The following ATP10B variants were observed in gnomAD, a reference collection of about 807,000 sequenced individuals.
ATP10B encodes ATPase phospholipid transporting 10B (putative).
ATP10B carries 122 observed loss-of-function variants against 141.2 expected under a neutral mutation model. The ratio of observed to expected loss-of-function variants is 0.86; its 90% CI spans 0.75 to 1.00. ATP10B has a LOEUF of 1.00. ATP10B is among the 50% of genes least tolerant of loss of function. The pLI is 0.00. For missense variants in ATP10B, 1,876 were observed against 1,825.3 expected, an observed-to-expected ratio of 1.03 and a Z score of -0.51; for synonymous variants, 685 against 692.0, an observed-to-expected ratio of 0.99 and a Z score of 0.16.
the ATP10B span, among the ~76,000 whole-genome samples, chr5:160,890,658 C>T: frequency 6.6e-6 from 1 of 152,114 alleles, no homozygotes; most frequent in Non-Finnish European, 1.5e-5. Flanking sequence ...TACTGATATG[C>T]CATATTATGT....
chr5:160,888,862 A>G, the ATP10B span, among the ~76,000 whole-genome samples: 1 of 152,204 alleles, frequency 6.6e-6, no homozygotes, highest in Non-Finnish European at 1.5e-5. Context: ...TTTTTGAGAT[A>G]TAGATGTTAC....
intron 1 of ATP10B, among the ~76,000 whole-genome samples, chr5:160,813,387 T>TA (rs1247934599): frequency 6.6e-6 from 1 of 152,196 alleles, no homozygotes; most frequent in African/African-American, 2.4e-5. Context: ...CGCTCATTGC[T>TA]AGCACAGCAG....
chr5:160,876,639 C>A, the ATP10B span, among the ~76,000 whole-genome samples: 3 of 151,550 alleles, frequency 2.0e-5, no homozygotes, highest in Non-Finnish European at 4.4e-5. Context: ...AGACTGCTAG[C>A]AAGACTAATA....
chr5:160,668,997 A>C (rs1762496800), intron 7 of ATP10B, among the ~76,000 whole-genome samples: 1 of 152,264 alleles, frequency 6.6e-6, no homozygotes, highest in East Asian at 1.9e-4. Flanking sequence ...ACTGCACTCT[A>C]GCTCATGAGA....
chr5:160,565,414 G>A lies in ATP10B; in HGVS notation c.*39C>T. 1 of 1,591,680 alleles carries A rather than the reference G, an allele frequency of 6.3e-7. No individual in the cohort carries two copies. The highest frequency in any genetic ancestry group is 8.6e-7 in the Non-Finnish European group (1 of 1,163,024). On this transcript the variant is annotated 3_prime_UTR_variant, in exon 26 of 26. Coordinates refer to ENST00000327245, the MANE Select transcript of ATP10B (RefSeq NM_025153.3). Reference sequence around the variant, plus strand: ...CAAGGGTTATGTGGACCAGTGACTAGGTGGCCTCTGTTGAGTTTGTACAGA... The same window carrying A: ...CAAGGGTTATGTGGACCAGTGACTAAGTGGCCTCTGTTGAGTTTGTACAGA...
chr5:160,722,016 A>T (rs1766031950), intron 2 of ATP10B, among the ~76,000 whole-genome samples: 1 of 152,190 alleles, frequency 6.6e-6, no homozygotes, highest in Non-Finnish European at 1.5e-5. Flanking sequence ...ATAATAATAT[A>T]TACCTCTTGG....
At chr5:160,765,170 G>T (rs1769312116) in intron 2 of ATP10B, among the ~76,000 whole-genome samples, 1 of 151,930 alleles carries the variant, frequency 6.6e-6, no homozygotes, top group African/African-American at 2.4e-5. Flanking sequence ...CAGATTCAAT[G>T]CAATTCCCAT....
At chr5:160,723,753 T>C (rs1158314588) in intron 2 of ATP10B, among the ~76,000 whole-genome samples, 8 of 152,208 alleles carry the variant, frequency 5.3e-5, no homozygotes, top group Admixed American at 1.3e-4. Flanking sequence ...AATACTACCC[T>C]GATCCAGGTC....
At chr5:160,860,369 A>G in the ATP10B span, among the ~76,000 whole-genome samples, 3 of 152,100 alleles carry the variant, frequency 2.0e-5, no homozygotes, top group African/African-American at 7.2e-5. Flanking sequence ...CTGTTATGAT[A>G]ATTACAGGAC....
intron 24 of ATP10B, among the ~76,000 whole-genome samples, chr5:160,580,280 G>A (rs1027438771): frequency 3.3e-5 from 5 of 152,150 alleles, no homozygotes; most frequent in Admixed American, 3.3e-4. Flanking sequence ...TGCCCATTCA[G>A]TATGATATTG....
chr5:160,673,581 C>A (rs923383638), intron 6 of ATP10B, among the ~76,000 whole-genome samples: 1 of 151,950 alleles, frequency 6.6e-6, no homozygotes, highest in Non-Finnish European at 1.5e-5. Context: ...CATCTCCCCC[C>A]AACCCTCACT....
At chr5:160,715,176 A>C (rs995505321) in intron 3 of ATP10B, among the ~76,000 whole-genome samples, 1 of 148,090 alleles carries the variant, frequency 6.8e-6, no homozygotes, top group East Asian at 2.0e-4. Flanking sequence ...TTGTTTACCT[A>C]AGCAAGCCTG....
At chr5:160,669,795 T>C (rs1581318373) in intron 7 of ATP10B, among the ~76,000 whole-genome samples, 3 of 150,840 alleles carry the variant, frequency 2.0e-5, no homozygotes, top group Admixed American at 2.0e-4. Flanking sequence ...AGAGACAGGG[T>C]TTCACCATGT....
At chr5:160,853,074 A>G (rs2127994190), upstream of ATP10B, among the ~76,000 whole-genome samples, 1 of 152,334 alleles carries the variant, frequency 6.6e-6, no homozygotes. Context: ...ACATGGACAT[A>G]GGAAACATTT....
At chr5:160,926,223 A>G in the ATP10B span, among the ~76,000 whole-genome samples, 2 of 152,212 alleles carry the variant, frequency 1.3e-5, no homozygotes, top group Non-Finnish European at 2.9e-5. Context: ...GTAAAAGTTC[A>G]CTGCTGATAT....
chr5:160,864,338 A>C, the ATP10B span, among the ~76,000 whole-genome samples: 1 of 152,094 alleles, frequency 6.6e-6, no homozygotes, highest in Non-Finnish European at 1.5e-5. Context: ...TTATGTGATC[A>C]TCTCAATAGA....
the ATP10B span, among the ~76,000 whole-genome samples, chr5:160,918,962 A>C: frequency 1.4e-4 from 21 of 151,494 alleles, no homozygotes; most frequent in African/African-American, 4.9e-4. Flanking sequence ...GCGGTGGCTC[A>C]CGCCTGTAAT....
chr5:160,775,096 T>C (rs1770194788), intron 2 of ATP10B, among the ~76,000 whole-genome samples: 1 of 152,238 alleles, frequency 6.6e-6, no homozygotes, highest in Non-Finnish European at 1.5e-5. Flanking sequence ...ACTCTGTTCG[T>C]GATCTGTAGC....
intron 7 of ATP10B, among the ~76,000 whole-genome samples, chr5:160,666,698 A>C (rs1173738177): frequency 1.3e-5 from 2 of 152,198 alleles, no homozygotes; most frequent in Admixed American, 1.3e-4. Flanking sequence ...CATACTCAGA[A>C]ATCTTTCTGC....
Sources: gnomAD v4.1 joint callset for allele counts (sites outside exome capture counted in the v4.1 genomes callset) on GRCh38, gnomAD v4.1.1 for gene constraint, MANE v1.5 for transcripts, NCBI Gene and HGNC (gene_info 2026-07-23, HGNC 2026-07-21) for gene names.